Variants in TOX observed in about 807,000 individuals in gnomAD.
The protein encoded by TOX is thymocyte selection-associated high mobility group box protein TOX.
TOX carries 11 observed loss-of-function variants against 53.7 expected under a neutral mutation model. The observed-to-expected ratio is 0.20, with a 90% CI of 0.13 to 0.34. The LOEUF is 0.34. Ranked by LOEUF, TOX falls within the 10% of genes least tolerant of loss-of-function variation. The pLI is 1.00. For synonymous variants in TOX, 225 were observed against 245.3 expected (o/e 0.92, Z 0.77); for missense variants, 570 against 664.6 (o/e 0.86, Z 1.56).
intron 1 of TOX, among the ~76,000 whole-genome samples, chr8:59,092,168 C>G (rs961354453): frequency 6.7e-5 from 10 of 148,784 alleles, no homozygotes; most frequent in African/African-American, 2.5e-4. Flanking sequence ...AGGAGAATCA[C>G]TTGAACCCAG....
chr8:58,920,787 A>G (rs996491621), intron 3 of TOX, among the ~76,000 whole-genome samples: 1 of 147,630 alleles, frequency 6.8e-6, no homozygotes, highest in African/African-American at 2.5e-5. Context: ...ACAGTAAGCT[A>G]GGTAATAACT....
intron 3 of TOX, among the ~76,000 whole-genome samples, chr8:58,910,880 C>T (rs563951087): frequency 2.0e-5 from 3 of 152,222 alleles, no homozygotes; most frequent in Admixed American, 1.3e-4. Flanking sequence ...AGAATAGTTG[C>T]AAAGGAGTAT....
intron 4 of TOX, among the ~76,000 whole-genome samples, chr8:58,838,860 C>T (rs1810595088): frequency 6.6e-6 from 1 of 151,906 alleles, no homozygotes. Context: ...CGCCACCACA[C>T]CTGGCTAATT....
At chr8:58,964,456 TCA>T (rs1381268982) in intron 1 of TOX, among the ~76,000 whole-genome samples, 2 of 152,122 alleles carry the variant, frequency 1.3e-5, no homozygotes, top group Non-Finnish European at 2.9e-5. Context: ...CACTGCACTG[TCA>T]CAGCTCCGTC....
intron 2 of TOX, among the ~76,000 whole-genome samples, chr8:58,955,733 T>C (rs62508364): frequency 1.5e-3 from 173 of 115,104 alleles, no homozygotes; most frequent in Admixed American, 9.3e-3. Flanking sequence ...AAAAGGACAC[T>C]TTTTTTTTTT....
In TOX at chr8:58,892,992, A is replaced by T. The variant is rs575613964; in HGVS notation, c.412-41187T>A. 1.8e-3 allele frequency among the ~76,000 whole-genome samples: 274 copies of T among 152,350 alleles called. 1 individual carries two copies. The highest frequency in any genetic ancestry group is 2.7e-3 in the Non-Finnish European group (182 of 68,030). On this transcript the variant is annotated intron_variant, in intron 3 of 8. Transcript: ENST00000361421. ...CTTAGAAGTAACTAGAAGCAGATGA[A>T]TTTGTTGGTCCAACACCATATGTTT...
intron 5 of TOX, 75 bp from the exon 6 acceptor site, chr8:58,826,977 A>G (rs1810376757): frequency 9.3e-7 from 1 of 1,080,768 alleles, no homozygotes. Flanking sequence ...ATATAGAATG[A>G]TAACTGCACA....
chr8:58,912,022 T>TC (rs1221398622), intron 3 of TOX, among the ~76,000 whole-genome samples: 1 of 152,082 alleles, frequency 6.6e-6, no homozygotes, highest in Non-Finnish European at 1.5e-5. Flanking sequence ...TCAATGCAGC[T>TC]CCCCCGGCTC....
At position 58,851,625 on chromosome 8, in the gene TOX, T is replaced by C. The variant is rs780062563; in HGVS notation, c.592A>G (p.Ser198Gly). 21 of 1,613,632 alleles carry C rather than the reference T, an allele frequency of 1.3e-5. No individual in the cohort carries two copies. The African/African-American group carries it at 2.5e-4, about 19-fold the overall frequency. ...GATGGTGAGTTGTGGGGAACATTGC[T>C]TCCTCCCATATTCAAACCAAGTTGA... ...SAQLGLNMGG[S>G]NVPHNSPSPP... is the part of the protein sequence containing the mutation. The change falls in exon 4 of 9, where the codon AGC becomes GGC. Residue 198 changes from serine to glycine, a missense_variant. This residue lies in a region of TOX where 282 missense variants were observed against 315.0 expected (regional missense o/e 0.90). Transcript: ENST00000361421. The surrounding 1 kb of genome is among the most constrained non-coding windows in gnomAD (Gnocchi z 4.4).
intron 3 of TOX, among the ~76,000 whole-genome samples, chr8:58,875,216 C>G (rs925905536): frequency 6.6e-6 from 1 of 152,172 alleles, no homozygotes; most frequent in Non-Finnish European, 1.5e-5. Flanking sequence ...ATTTTTATTA[C>G]AGCTTACTTT....
chr8:59,052,759 A>T (rs1012457598), intron 1 of TOX, among the ~76,000 whole-genome samples: 2 of 152,204 alleles, frequency 1.3e-5, no homozygotes, highest in Non-Finnish European at 2.9e-5. Context: ...TAGGATTGGC[A>T]AGACATTCCT....
intron 1 of TOX, among the ~76,000 whole-genome samples, chr8:59,112,321 AAC>A (rs1805030629): frequency 6.6e-6 from 1 of 152,252 alleles, no homozygotes; most frequent in African/African-American, 2.4e-5. Flanking sequence ...TGCTATAATT[AAC>A]AGTCTGTTGG....
At chr8:59,090,932 G>A (rs1804597481) in intron 1 of TOX, among the ~76,000 whole-genome samples, 1 of 152,152 alleles carries the variant, frequency 6.6e-6, no homozygotes, top group Non-Finnish European at 1.5e-5. Flanking sequence ...ATCAAAGGCA[G>A]TCCCACCCCA....
At chr8:58,895,472 A>C (rs1811628973) in intron 3 of TOX, among the ~76,000 whole-genome samples, 1 of 152,232 alleles carries the variant, frequency 6.6e-6, no homozygotes, top group Non-Finnish European at 1.5e-5. Flanking sequence ...AAACATAAAC[A>C]AAGCTGTACA....
intron 1 of TOX, among the ~76,000 whole-genome samples, chr8:59,033,033 C>CAAA (rs34575165): frequency 1.9e-5 from 2 of 104,774 alleles, no homozygotes; most frequent in African/African-American, 3.2e-5. Flanking sequence ...AACTCCAACT[C>CAAA]AAAAAAAAAA....
At chr8:59,092,287 TATAC>T (rs1207627707) in intron 1 of TOX, among the ~76,000 whole-genome samples, 2 of 106,074 alleles carry the variant, frequency 1.9e-5, no homozygotes, top group African/African-American at 5.3e-5. Flanking sequence ...ATATATTATA[TATAC>T]ATTATATATA....
intron 1 of TOX, among the ~76,000 whole-genome samples, chr8:59,093,682 T>C (rs1035801599): frequency 6.6e-6 from 1 of 152,246 alleles, no homozygotes; most frequent in African/African-American, 2.4e-5. Flanking sequence ...ACCTAGAAGC[T>C]GTTTGCTTGA....
chr8:59,019,516 C>A (rs1293760153), intron 1 of TOX, among the ~76,000 whole-genome samples: 1 of 152,156 alleles, frequency 6.6e-6, no homozygotes, highest in Non-Finnish European at 1.5e-5. Flanking sequence ...ACAGCAGACA[C>A]AAACTAGTGT....
intron 8 of TOX, 55 bp downstream of exon 8, chr8:58,808,063 G>A (rs1395624236): frequency 1.3e-6 from 2 of 1,563,064 alleles, no homozygotes; most frequent in African/African-American, 1.4e-5. Flanking sequence ...AACTAGGGAC[G>A]ATATGCATGC....
Sources: allele counts gnomAD v4.1 joint callset (sites outside exome capture counted in the v4.1 genomes callset), GRCh38; gene constraint gnomAD v4.1.1; regional missense constraint gnomAD v4.1.1; non-coding constraint Gnocchi (gnomAD v3.1); transcripts MANE v1.5; gene names NCBI Gene and HGNC (gene_info 2026-07-23, HGNC 2026-07-21).